Variants in ZNF521 observed in about 807,000 individuals in gnomAD.
ZNF521 encodes zinc finger protein 521.
In ZNF521, 14 loss-of-function variants were observed where a neutral mutation model predicts 105.5. The observed-to-expected ratio is 0.13, with a 90% confidence interval of 0.09 to 0.21. ZNF521 has a LOEUF of 0.21. Ranked by LOEUF, ZNF521 falls within the 10% of genes least tolerant of loss-of-function variation. The probability of loss-of-function intolerance (pLI) is 1.00; values close to 1 mark genes in which losing one functional copy is unlikely to be tolerated. For synonymous variants in ZNF521, 635 were observed against 606.0 expected (o/e 1.05, Z -0.70); for missense variants, 1,233 against 1,629.7 (o/e 0.76, Z 4.19).
chr18:25,342,774 C>G (rs1174399750), intron 2 of ZNF521, among the ~76,000 whole-genome samples: 4 of 152,160 alleles, frequency 2.6e-5, no homozygotes, highest in Non-Finnish European at 5.9e-5. Flanking sequence ...ACAAAAGGTG[C>G]TGATAGTGGT....
At chr18:25,315,197 C>T (rs889924661) in intron 3 of ZNF521, among the ~76,000 whole-genome samples, 1 of 152,164 alleles carries the variant, frequency 6.6e-6, no homozygotes, top group East Asian at 1.9e-4. Context: ...GATTCCCCTG[C>T]CTTCTTAGCC....
At chr18:25,330,283 C>A (rs1913493605) in intron 2 of ZNF521, among the ~76,000 whole-genome samples, 1 of 152,128 alleles carries the variant, frequency 6.6e-6, no homozygotes, top group Admixed American at 6.5e-5. Flanking sequence ...CCTGCCTCAG[C>A]CTCTCAAGTA....
intron 5 of ZNF521, among the ~76,000 whole-genome samples, chr18:25,176,256 C>T (rs925831396): frequency 1.3e-5 from 2 of 152,150 alleles, no homozygotes; most frequent in Non-Finnish European, 2.9e-5. Flanking sequence ...CCCAGAACCC[C>T]AACGCTCTAA....
chr18:25,350,627 T>A (rs1383775184), intron 2 of ZNF521, among the ~76,000 whole-genome samples: 2 of 150,660 alleles, frequency 1.3e-5, no homozygotes, highest in African/African-American at 4.9e-5. Context: ...CGTTTCTTTC[T>A]CTCTCTCTCT....
intron 2 of ZNF521, chr18:25,327,425 G>A (rs1600312358): frequency 6.0e-6 from 7 of 1,159,516 alleles, no homozygotes; most frequent in Admixed American, 3.8e-5. Context: ...TCTAGGTTTC[G>A]TGACATATTT....
chr18:25,130,407 CTATAATTGTGGACACA>C (rs1313126982), intron 5 of ZNF521, among the ~76,000 whole-genome samples: 1 of 152,094 alleles, frequency 6.6e-6, no homozygotes, highest in African/African-American at 2.4e-5. Flanking sequence ...CTGTAAGATA[CTATAATTGTGGACACA>C]TGATATGCAA....
chr18:25,263,383 G>T (rs1909044159), intron 3 of ZNF521, among the ~76,000 whole-genome samples: 1 of 151,528 alleles, frequency 6.6e-6, no homozygotes, highest in African/African-American at 2.4e-5. Flanking sequence ...TTGAGACAGA[G>T]TTTCACTCTT....
intron 3 of ZNF521, among the ~76,000 whole-genome samples, chr18:25,299,338 T>TAAATGCGA (rs1911498934): frequency 6.6e-6 from 1 of 152,174 alleles, no homozygotes. Flanking sequence ...GTGAGTGATG[T>TAAATGCGA]AAATGCGAAC....
At chr18:25,179,688 T>C (rs2035597882) in intron 5 of ZNF521, among the ~76,000 whole-genome samples, 1 of 152,198 alleles carries the variant, frequency 6.6e-6, no homozygotes, top group Non-Finnish European at 1.5e-5. Context: ...TATCTCTCTT[T>C]CAAATATCAG....
At chr18:25,150,317 A>G (rs1305095723) in intron 5 of ZNF521, among the ~76,000 whole-genome samples, 1 of 152,110 alleles carries the variant, frequency 6.6e-6, no homozygotes, top group Non-Finnish European at 1.5e-5. Flanking sequence ...AAAAGACTAC[A>G]AATTGAGTAC....
intron 3 of ZNF521, among the ~76,000 whole-genome samples, chr18:25,233,567 C>A (rs1021958051): frequency 1.3e-5 from 2 of 151,448 alleles, no homozygotes; most frequent in Non-Finnish European, 2.9e-5. Flanking sequence ...GGTGGTCACC[C>A]ATTAATAACA....
chr18:25,350,886 G>A (rs779291631), intron 2 of ZNF521, 21 bp downstream of exon 2: 7 of 1,547,560 alleles, frequency 4.5e-6, no homozygotes, highest in Middle Eastern at 1.7e-4. Flanking sequence ...GGAAAGCGGG[G>A]AGCAGGGGGT....
intron 4 of ZNF521, among the ~76,000 whole-genome samples, chr18:25,199,155 A>AG (rs1349891651): frequency 2.6e-5 from 4 of 151,960 alleles, no homozygotes; most frequent in Admixed American, 1.3e-4. Context: ...TATTACTATG[A>AG]GAAAAAAATG....
intron 2 of ZNF521, among the ~76,000 whole-genome samples, chr18:25,324,565 A>G (rs1379983505): frequency 6.6e-6 from 1 of 152,218 alleles, no homozygotes; most frequent in East Asian, 1.9e-4. Flanking sequence ...GTATGCACTC[A>G]TGAATACTCT....
chr18:25,351,589 C>A (rs1188351711), intron 1 of ZNF521: 1 of 152,246 alleles, frequency 6.6e-6, no homozygotes, highest in Non-Finnish European at 1.5e-5. Context: ...AAAGAAAAAT[C>A]TCCCACCATC....
chr18:25,296,229 T>A (rs1318835511), intron 3 of ZNF521, among the ~76,000 whole-genome samples: 2 of 152,300 alleles, frequency 1.3e-5, no homozygotes, highest in African/African-American at 4.8e-5. Context: ...GATGAAAATA[T>A]CCCACTTGAT....
chr18:25,296,719 GC>G (rs766392808), intron 3 of ZNF521, among the ~76,000 whole-genome samples: 1 of 152,132 alleles, frequency 6.6e-6, no homozygotes, highest in African/African-American at 2.4e-5. Flanking sequence ...CATGAAGGAG[GC>G]CTTCCTGGAA....
intron 3 of ZNF521, among the ~76,000 whole-genome samples, chr18:25,321,069 C>A (rs938408761): frequency 6.6e-6 from 1 of 152,138 alleles, no homozygotes; most frequent in Admixed American, 6.5e-5. Context: ...GTCAGAGAAC[C>A]ACTTGTCCAG....
At chr18:25,300,483 CAA>C (rs1238927219) in intron 3 of ZNF521, among the ~76,000 whole-genome samples, 1 of 152,080 alleles carries the variant, frequency 6.6e-6, no homozygotes, top group Non-Finnish European at 1.5e-5. Flanking sequence ...AGTGTATAAA[CAA>C]GAGAACAGTC....
Sources: gnomAD v4.1 joint callset for allele counts (sites outside exome capture counted in the v4.1 genomes callset) on GRCh38, gnomAD v4.1.1 for gene constraint, MANE v1.5 for transcripts, NCBI Gene and HGNC (gene_info 2026-07-23, HGNC 2026-07-21) for gene names.